Variants in SERPINB4 observed in about 807,000 individuals in gnomAD.
SERPINB4 encodes serpin B4.
Under a neutral mutation model 33.2 loss-of-function variants are expected in SERPINB4, and 39 were observed. The observed-to-expected ratio is 1.18, with a 90% CI of 0.91 to 1.53. The LOEUF (loss-of-function observed/expected upper bound fraction) is 1.53. Ranked by LOEUF, SERPINB4 falls within the 40% of genes most tolerant of loss-of-function variation. The pLI is 0.00. For synonymous variants in SERPINB4, 191 were observed against 166.4 expected, an observed-to-expected ratio of 1.15 and a Z score of -1.14; for missense variants, 564 against 455.4, an observed-to-expected ratio of 1.24 and a Z score of -2.17.
chr18:63,643,462 C>T lies in SERPINB4; in HGVS notation c.116G>A (p.Gly39Glu), dbSNP rs763237763. The T allele has an allele frequency of 1.4e-5, 23 of 1,613,558 alleles. No individual in the cohort carries two copies. The Admixed American group carries it at 2.2e-4, about 15-fold the overall frequency. Residue 39 changes from glycine to glutamate, a missense_variant, in exon 2 of 8, where the codon GGG becomes GAG. Transcript: ENST00000341074. ...GTCTTTGGCTCCTAAGAGGACCATC[C>T]CTAATGCTGATGTGATGCTGATAGG... Reference protein sequence around the residue: ...YSPISITSALGMVLLGAKDNT... With the variant: ...YSPISITSALEMVLLGAKDNT...
In SERPINB4 at chr18:63,643,119, G is replaced by C. The variant is rs750453685; in HGVS notation, c.222+42C>G. On this transcript the variant is annotated intron_variant, in intron 3 of 7. Coordinates refer to ENST00000341074, the MANE Select transcript of SERPINB4 (RefSeq NM_002974.4). ...AAGTTCCAGGTTTAAACTATGACCTGTTCAGGGATCTAAAGCTGAACCATA... is the reference window on the plus strand; with the variant it reads ...AAGTTCCAGGTTTAAACTATGACCTCTTCAGGGATCTAAAGCTGAACCATA... 7.4e-6 allele frequency: 12 copies of C among 1,612,022 alleles called. No homozygotes were observed. In the South Asian group the frequency reaches 1.1e-4, roughly 15 times the overall value.
intron 4 of SERPINB4, among the ~76,000 whole-genome samples, chr18:63,641,222 A>T (rs529909736): frequency 3.4e-4 from 52 of 152,208 alleles, no homozygotes; most frequent in African/African-American, 1.2e-3. Flanking sequence ...CAAAAGGCAG[A>T]AGCAGAAGAG....
chr18:63,643,011 C>A, intron 3 of SERPINB4, 150 bp downstream of exon 3: 1 of 828,828 alleles, frequency 1.2e-6, no homozygotes, highest in South Asian at 1.7e-5. Context: ...TAATTATGTG[C>A]CATGAAATGC....
rs560580059 is a variant in SERPINB4, at chr18:63,638,248, T to C, written c.769-125A>G. 1.7e-5 allele frequency: 18 copies of C among 1,064,224 alleles called. No homozygotes were observed. In the East Asian group the frequency reaches 3.9e-4, roughly 23 times the overall value. 65.9% of individuals were successfully genotyped at this position (1,064,224 alleles called of 1,614,324 possible). On this transcript the variant is annotated intron_variant, in intron 7 of 7. Transcript: ENST00000341074. ...AATGTGAAATACAGAAGGTTCACTT[T>C]AATAGACATTATTATTCTAATAGGT...
intron 7 of SERPINB4, among the ~76,000 whole-genome samples, chr18:63,638,770 C>T (rs977548640): frequency 1.5e-5 from 2 of 129,540 alleles, no homozygotes; most frequent in African/African-American, 6.0e-5. Flanking sequence ...AATGAGAACA[C>T]TTGGACACAG....
chr18:63,643,084 A>C lies in SERPINB4; in HGVS notation c.222+77T>G. The C allele has an allele frequency of 4.4e-6, 7 of 1,587,172 alleles. No homozygotes were observed. The South Asian group carries it at 6.8e-5, about 15-fold the overall frequency. ...TTTTCCCTAAAACTGGCCTTTTCTTAGTTTTTGTGAAGTTCCAGGTTTAAA... is the reference window on the plus strand; with the variant it reads ...TTTTCCCTAAAACTGGCCTTTTCTTCGTTTTTGTGAAGTTCCAGGTTTAAA... On this transcript the variant is annotated intron_variant, in intron 3 of 7. Transcript: ENST00000341074.
intron 3 of SERPINB4, among the ~76,000 whole-genome samples, chr18:63,642,550 A>C (rs1444784326): frequency 6.6e-6 from 1 of 152,092 alleles, no homozygotes; most frequent in Non-Finnish European, 1.5e-5. Flanking sequence ...AAGCCTGTTT[A>C]AATCTAGAAC....
chr18:63,641,042 T>C, intron 4 of SERPINB4, 51 bp from the exon 5 acceptor site: 1 of 1,459,626 alleles, frequency 6.9e-7, no homozygotes. Context: ...TATGTAACTA[T>C]ATATTACCAA....
Position 63,640,876 on chromosome 18 carries a change from T to C in SERPINB4, c.467A>G (p.Asn156Ser). Residue 156 changes from asparagine (N) to serine (S), a missense_variant and splice_region_variant, in exon 5 of 8, where the codon AAT (asparagine) becomes AGT (serine). Coordinates refer to ENST00000341074, the MANE Select transcript of SERPINB4 (RefSeq NM_002974.4). ...KINSWVESQT[N>S]EKIKNLFPDG... ...TCTATAATGGGTGGCTCTCCTACCA[T>C]TCGTTTGACTTTCCACCCAGGAGTT... is the stretch of plus-strand genomic sequence containing the variant. The C allele has an allele frequency of 6.2e-7, 1 of 1,611,572 alleles. No individual in the cohort carries two copies. The highest frequency in any genetic ancestry group is 8.5e-7 in the Non-Finnish European group (1 of 1,178,508).
At chr18:63,642,240 C>T (rs572598324) in intron 3 of SERPINB4, among the ~76,000 whole-genome samples, 19 of 152,224 alleles carry the variant, frequency 1.2e-4, no homozygotes, top group African/African-American at 4.6e-4. Flanking sequence ...TCACTTCTAA[C>T]AGTCATCAAG....
In SERPINB4 at chr18:63,638,039, G is replaced by T. The variant is rs767134531; in HGVS notation, c.853C>A (p.Pro285Thr). Residue 285 changes from proline to threonine, a missense_variant, in exon 8 of 8, where the codon CCT (proline) becomes ACT (threonine). Pro to Thr is a conservative substitution (Grantham distance 38). Transcript: ENST00000341074. ...MRETCVDLHL[P>T]RFKMEESYDL... ...TAGCTCTCTTCCATTTTGAACCGAG[G>T]TAAGTGTAAATCGACACATGTCTCT... 1 of 1,613,572 alleles carries T rather than the reference G, an allele frequency of 6.2e-7. No homozygotes were observed. The highest frequency in any genetic ancestry group is 1.7e-5 in the Admixed American group (1 of 59,864).
chr18:63,637,926 A>C lies in SERPINB4; in HGVS notation c.966T>G (p.Gly322=). 6.2e-7 allele frequency: 1 copy of C among 1,613,592 alleles called. No homozygotes were observed. The highest frequency in any genetic ancestry group is 8.5e-7 in the Non-Finnish European group (1 of 1,179,750). The change falls in exon 8 of 8, where the codon GGT becomes GGG. Residue 322 remains glycine, a synonymous_variant. Coordinates refer to ENST00000341074, the MANE Select transcript of SERPINB4 (RefSeq NM_002974.4). Reference sequence around the variant, plus strand: ...TGTGTAGGACTTTAGATACTGAGAGACCGTGGCTCCAGGTCATGCCTGAGA... The same window carrying C: ...TGTGTAGGACTTTAGATACTGAGAGCCCGTGGCTCCAGGTCATGCCTGAGA... ...ADLSGMTWSH[G]LSVSKVLHKA...
Position 63,637,919 on chromosome 18 carries a change from C to G in SERPINB4, c.973G>C (p.Val325Leu), listed in dbSNP as rs868512057. The change falls in exon 8 of 8, where the codon GTA becomes CTA. Residue 325 changes from valine (V) to leucine (L), a missense_variant. Physicochemically the swap from Val to Leu is conservative, Grantham distance 32. Coordinates refer to ENST00000341074, the MANE Select transcript of SERPINB4 (RefSeq NM_002974.4). ...SGMTWSHGLS[V>L]SKVLHKAFVE... is the part of the protein sequence containing the mutation. ...AAGGCCTTGTGTAGGACTTTAGATA[C>G]TGAGAGACCGTGGCTCCAGGTCATG... 1.2e-6 allele frequency: 2 copies of G among 1,613,640 alleles called. No homozygotes were observed. Among genetic ancestry groups the G allele is most frequent in the East Asian group, 4.5e-5 (2 of 44,862 alleles).
Position 63,640,873 on chromosome 18 carries a change from C to T in SERPINB4, c.469+1G>A. Reference sequence around the variant, plus strand: ...GTTTCTATAATGGGTGGCTCTCCTACCATTCGTTTGACTTTCCACCCAGGA... The same window carrying T: ...GTTTCTATAATGGGTGGCTCTCCTATCATTCGTTTGACTTTCCACCCAGGA... On this transcript the variant is annotated splice_donor_variant, in intron 5 of 7. Transcript: ENST00000341074. LOFTEE classifies it high-confidence loss of function. 6.2e-7 allele frequency: 1 copy of T among 1,611,106 alleles called. No individual in the cohort carries two copies. Among genetic ancestry groups the T allele is most frequent in the South Asian group, 1.1e-5 (1 of 90,998 alleles).
intron 6 of SERPINB4, 134 bp from the exon 7 acceptor site, chr18:63,639,474 T>C (rs2144466342): frequency 9.4e-7 from 1 of 1,061,150 alleles, no homozygotes; most frequent in Non-Finnish European, 1.3e-6. Flanking sequence ...AACAATAGTT[T>C]TTCAGGTATT....
chr18:63,640,237 T>C (rs1693513976), intron 5 of SERPINB4, among the ~76,000 whole-genome samples: 1 of 152,066 alleles, frequency 6.6e-6, no homozygotes, highest in Admixed American at 6.6e-5. Flanking sequence ...ACGCATGTCC[T>C]GTGCTGTCAG....
chr18:63,638,395 T>C (rs1478874866), intron 7 of SERPINB4, among the ~76,000 whole-genome samples: 1 of 152,064 alleles, frequency 6.6e-6, no homozygotes, highest in Non-Finnish European at 1.5e-5. Context: ...TGTATACAAC[T>C]GTATGATACA....
chr18:63,643,844 T>C (rs1913225933), intron 1 of SERPINB4, among the ~76,000 whole-genome samples: 1 of 152,112 alleles, frequency 6.6e-6, no homozygotes, highest in Non-Finnish European at 1.5e-5. Context: ...ATCGACCCTC[T>C]TTATCTTTCT....
intron 3 of SERPINB4, 155 bp downstream of exon 3, chr18:63,643,006 A>T: frequency 2.6e-6 from 2 of 775,238 alleles, no homozygotes; most frequent in South Asian, 1.8e-5. Context: ...AATAATAATT[A>T]TGTGCCATGA....
Sources: allele counts gnomAD v4.1 joint callset (sites outside exome capture counted in the v4.1 genomes callset), GRCh38; gene constraint gnomAD v4.1.1; transcripts MANE v1.5; gene names NCBI Gene and HGNC (gene_info 2026-07-23, HGNC 2026-07-21).